ARFIP1: variants seen among roughly 807,000 people sequenced by gnomAD.
ARFIP1 encodes ARF interacting protein 1, also known as arfaptin-1.
In ARFIP1, 24 loss-of-function variants were observed where a neutral mutation model predicts 42.5. The ratio of observed to expected loss-of-function variants is 0.57; its 90% CI spans 0.41 to 0.80. The LOEUF is 0.80. Among genes scored for constraint, ARFIP1 ranks in the 30% least tolerant of loss-of-function variants. The probability of loss-of-function intolerance (pLI) is 0.00; values close to 1 mark genes in which losing one functional copy is unlikely to be tolerated. For synonymous variants in ARFIP1, 141 were observed against 153.7 expected, an observed-to-expected ratio of 0.92 and a Z score of 0.61; for missense variants, 354 against 434.0, an observed-to-expected ratio of 0.82 and a Z score of 1.64.
intron 2 of ARFIP1, among the ~76,000 whole-genome samples, chr4:152,837,263 A>G (rs1459942901): frequency 1.3e-5 from 2 of 152,078 alleles, no homozygotes; most frequent in African/African-American, 4.8e-5. Flanking sequence ...TCTTTTTTGC[A>G]TGACTTCTTT....
At position 152,910,291 on chromosome 4, in the gene ARFIP1, G is replaced by A. The variant is rs576478643; in HGVS notation, c.*72G>A. The A allele has an allele frequency of 7.3e-6, 11 of 1,511,372 alleles. No homozygotes were observed. The highest frequency in any genetic ancestry group is 9.9e-6 in the Non-Finnish European group (11 of 1,116,092). 93.6% of individuals were successfully genotyped at this position (1,511,372 alleles called of 1,614,324 possible). A position where few individuals can be genotyped will look rare whatever the true frequency, so the allele number is the denominator to read the frequency against. On this transcript the variant is annotated 3_prime_UTR_variant, in exon 9 of 9. Transcript: ENST00000353617. ...ACCAACCTAACAAGAATTAAGCAGA[G>A]TTGGGGGAAGTGGGAGGGGTGACAA...
At chr4:152,782,081 G>A (rs1730534247) in intron 1 of ARFIP1, among the ~76,000 whole-genome samples, 1 of 151,640 alleles carries the variant, frequency 6.6e-6, no homozygotes, top group Admixed American at 6.6e-5. Context: ...TTCCACTTAG[G>A]CAGTATCTTG....
intron 3 of ARFIP1, among the ~76,000 whole-genome samples, chr4:152,865,325 C>G (rs1027390091): frequency 6.6e-6 from 1 of 151,820 alleles, no homozygotes; most frequent in Non-Finnish European, 1.5e-5. Context: ...TTAGTAGAGA[C>G]GGGGTTTCAC....
intron 7 of ARFIP1, among the ~76,000 whole-genome samples, chr4:152,887,827 T>G (rs1043529293): frequency 8.5e-5 from 13 of 152,190 alleles, no homozygotes; most frequent in African/African-American, 2.9e-4. Context: ...GTATTTATTC[T>G]ACCCTTGATC....
chr4:152,842,837 G>A (rs1298875171), intron 2 of ARFIP1, among the ~76,000 whole-genome samples: 1 of 147,946 alleles, frequency 6.8e-6, no homozygotes, highest in Admixed American at 6.7e-5. Context: ...CTTTTTTTTT[G>A]GATTTCCTTG....
At chr4:152,859,481 G>A (rs1435229722) in intron 2 of ARFIP1, among the ~76,000 whole-genome samples, 1 of 152,134 alleles carries the variant, frequency 6.6e-6, no homozygotes, top group Admixed American at 6.5e-5. Context: ...ATAGAGTGAT[G>A]TTCTTCAGAA....
intron 2 of ARFIP1, among the ~76,000 whole-genome samples, chr4:152,860,933 C>G (rs75798040): frequency 0.037 from 5,704 of 152,172 alleles, 160 homozygotes; most frequent in South Asian, 0.079. Flanking sequence ...GTTTGCTTTT[C>G]CATTCTTAGG....
At chr4:152,812,300 T>G (rs1283412537) in intron 1 of ARFIP1, among the ~76,000 whole-genome samples, 1 of 152,174 alleles carries the variant, frequency 6.6e-6, no homozygotes, top group Non-Finnish European at 1.5e-5. Flanking sequence ...GGTTAAGCAA[T>G]CCTTCCACCT....
chr4:152,850,702 C>T (rs1732911335), intron 2 of ARFIP1: 1 of 152,166 alleles, frequency 6.6e-6, no homozygotes, highest in South Asian at 2.1e-4. Context: ...TAACAGGATC[C>T]TCAGGTGATT....
intron 2 of ARFIP1, among the ~76,000 whole-genome samples, chr4:152,832,423 G>T (rs1191504631): frequency 6.6e-6 from 1 of 151,928 alleles, no homozygotes; most frequent in African/African-American, 2.4e-5. Flanking sequence ...TTTTCTACTG[G>T]GTGTGTGTCT....
intron 2 of ARFIP1, among the ~76,000 whole-genome samples, chr4:152,836,978 G>A (rs192370181): frequency 1.7e-4 from 25 of 148,772 alleles, no homozygotes; most frequent in African/African-American, 5.5e-4. Context: ...TCATTCTTAC[G>A]TCTTTGCATC....
At chr4:152,795,278 T>C (rs1731373419) in intron 1 of ARFIP1, among the ~76,000 whole-genome samples, 1 of 152,182 alleles carries the variant, frequency 6.6e-6, no homozygotes, top group Non-Finnish European at 1.5e-5. Context: ...TTTTTTTGCT[T>C]TTTTCAGACT....
At chr4:152,855,973 T>C (rs1437884788) in intron 2 of ARFIP1, among the ~76,000 whole-genome samples, 4 of 152,210 alleles carry the variant, frequency 2.6e-5, no homozygotes, top group Non-Finnish European at 5.9e-5. Flanking sequence ...CTCTCTTGGA[T>C]GATGTATTCG....
At chr4:152,803,351 TCAGGCAATTTA>T (rs1728572400) in intron 1 of ARFIP1, among the ~76,000 whole-genome samples, 1 of 152,190 alleles carries the variant, frequency 6.6e-6, no homozygotes, top group Non-Finnish European at 1.5e-5. Context: ...ATTTATAGCA[TCAGGCAATTTA>T]CAGAATTTCT....
At chr4:152,859,684 A>G (rs1429184572) in intron 2 of ARFIP1, among the ~76,000 whole-genome samples, 1 of 152,000 alleles carries the variant, frequency 6.6e-6, no homozygotes, top group African/African-American at 2.4e-5. Flanking sequence ...TACTCTGTAT[A>G]TTCCTTACTT....
intron 2 of ARFIP1, among the ~76,000 whole-genome samples, chr4:152,838,150 A>G (rs1731797639): frequency 1.3e-5 from 2 of 152,204 alleles, no homozygotes; most frequent in South Asian, 2.1e-4. Flanking sequence ...CTATCTTTAT[A>G]CCAGTACCAC....
chr4:152,891,140 C>G (rs145479655), intron 8 of ARFIP1, among the ~76,000 whole-genome samples: 2 of 152,268 alleles, frequency 1.3e-5, no homozygotes, highest in East Asian at 3.9e-4. Flanking sequence ...GAGGACTGTA[C>G]CTCCCAAAGG....
chr4:152,821,317 G>A (rs1337923261), intron 1 of ARFIP1, among the ~76,000 whole-genome samples: 1 of 152,162 alleles, frequency 6.6e-6, no homozygotes, highest in Non-Finnish European at 1.5e-5. Context: ...ACTTCTGGAA[G>A]CGAAAGACAT....
At chr4:152,858,219 G>A (rs922205595) in intron 2 of ARFIP1, among the ~76,000 whole-genome samples, 1 of 152,138 alleles carries the variant, frequency 6.6e-6, no homozygotes, top group Admixed American at 6.5e-5. Flanking sequence ...TCGAGCCCAG[G>A]GGGTGGAGGT....
Sources: gnomAD v4.1 joint callset for allele counts (sites outside exome capture counted in the v4.1 genomes callset) on GRCh38, gnomAD v4.1.1 for gene constraint, MANE v1.5 for transcripts, NCBI Gene and HGNC (gene_info 2026-07-23, HGNC 2026-07-21) for gene names.